Variants in ZNF568 observed in about 807,000 individuals in gnomAD.
The protein encoded by ZNF568 is p53 inhibitor of SCO2 activation.
In ZNF568, 11 loss-of-function variants were observed where a neutral mutation model predicts 18.1. The observed-to-expected ratio is 0.61, with a 90% CI of 0.38 to 1.00. ZNF568 has a LOEUF of 1.00. Ranked by LOEUF, ZNF568 falls within the 50% of genes least tolerant of loss-of-function variation. The pLI is 0.01. For synonymous variants in ZNF568, 213 were observed against 246.6 expected, an observed-to-expected ratio of 0.86 and a Z score of 1.28; for missense variants, 639 against 768.2, an observed-to-expected ratio of 0.83 and a Z score of 1.99.
Position 36,993,625 on chromosome 19 carries a change from G to A in ZNF568, c.229+1779G>A, listed in dbSNP as rs145729388. 2.4e-4 allele frequency among the ~76,000 whole-genome samples: 37 copies of A among 152,082 alleles called. No individual in the cohort carries two copies. In the East Asian group the frequency reaches 6.4e-3, roughly 26 times the overall value. ...TCTATTTCCTCTTGAGTCAATTTTGGTAGTTTTGGGTCTTTTTAGGAATTT... is the reference window on the plus strand; with the variant it reads ...TCTATTTCCTCTTGAGTCAATTTTGATAGTTTTGGGTCTTTTTAGGAATTT... On this transcript the variant is annotated intron_variant, in intron 4 of 4. Transcript: ENST00000433993.
chr19:36,936,975 C>G, intron 5 of ZNF568, 103 bp downstream of exon 5: 3 of 1,474,578 alleles, frequency 2.0e-6, no homozygotes, highest in Non-Finnish European at 2.8e-6. Context: ...TTTCCTTTCT[C>G]CATGTGACTA....
chr19:36,960,741 AAT>A (rs1491380454), intron 6 of ZNF568, among the ~76,000 whole-genome samples: 1 of 151,888 alleles, frequency 6.6e-6, no homozygotes, highest in Non-Finnish European at 1.5e-5. Flanking sequence ...AAAAAAAAAA[AAT>A]TTTTTTTTCT....
chr19:36,950,390 A>G lies in ZNF568; in HGVS notation c.1237A>G (p.Thr413Ala). The G allele has an allele frequency of 6.2e-7, 1 of 1,614,098 alleles. No individual in the cohort carries two copies. The highest frequency in any genetic ancestry group is 8.5e-7 in the Non-Finnish European group (1 of 1,179,996). The change falls in exon 7 of 7, where the codon ACT (threonine) becomes GCT (alanine). Residue 413 changes from threonine to alanine, a missense_variant. Thr to Ala is a moderately conservative substitution (Grantham distance 58). Transcript: ENST00000333987. ...SVFIIHMRSHTGEKPYVCSEC... is the reference protein window; with the variant it reads ...SVFIIHMRSHAGEKPYVCSEC... The stretch of plus-strand genomic sequence containing the variant: ...ATTTATTATACATATGAGAAGTCAC[A>G]CTGGTGAGAAACCCTATGTATGTAG...
chr19:36,964,588 A>G (rs904979626), intron 6 of ZNF568, among the ~76,000 whole-genome samples: 1 of 152,136 alleles, frequency 6.6e-6, no homozygotes, highest in Non-Finnish European at 1.5e-5. Context: ...CAGGGTGGGA[A>G]GATAGCTTGA....
rs981088031 is a variant in ZNF568 at position 36,942,537 on chromosome 19, T to C, written c.358+5295T>C. Reference sequence around the variant, plus strand: ...TGGCGTGAACCCAGGAGGCAGAGCTTGCAGTGAGCCGAGATCACGCCACTG... The same window carrying C: ...TGGCGTGAACCCAGGAGGCAGAGCTCGCAGTGAGCCGAGATCACGCCACTG... On this transcript the variant is annotated intron_variant, in intron 6 of 6. Transcript: ENST00000333987. 2.8e-5 allele frequency among the ~76,000 whole-genome samples: 4 copies of C among 142,488 alleles called. No homozygotes were observed. The Admixed American group carries it at 3.0e-4, about 11-fold the overall frequency. 93.5% of individuals were successfully genotyped at this position (142,488 alleles called of 152,430 possible).
intron 4 of ZNF568, among the ~76,000 whole-genome samples, chr19:36,934,152 C>T (rs2073747022): frequency 6.6e-6 from 1 of 151,234 alleles, no homozygotes; most frequent in South Asian, 2.1e-4. Context: ...TTTGAGTCTT[C>T]TTGTCAGTGA....
chr19:36,969,228 T>C (rs2074218093), intron 6 of ZNF568, among the ~76,000 whole-genome samples: 1 of 151,948 alleles, frequency 6.6e-6, no homozygotes, highest in Admixed American at 6.6e-5. Flanking sequence ...ACAACTGAAG[T>C]AAATGTGCCT....
At chr19:36,920,219 T>A (rs530714309) in intron 2 of ZNF568, among the ~76,000 whole-genome samples, 12 of 133,696 alleles carry the variant, frequency 9.0e-5, no homozygotes, top group East Asian at 2.0e-4. Flanking sequence ...AGTTAAAAAA[T>A]TTTTAAGAAG....
intron 6 of ZNF568, among the ~76,000 whole-genome samples, chr19:36,937,756 T>C (rs930520969): frequency 2.6e-5 from 4 of 152,204 alleles, no homozygotes; most frequent in Non-Finnish European, 5.9e-5. Flanking sequence ...GGCTTAGAAA[T>C]GTAAAAGTTT....
chr19:36,947,833 C>G (rs550686724), intron 6 of ZNF568, among the ~76,000 whole-genome samples: 3 of 152,098 alleles, frequency 2.0e-5, no homozygotes, highest in Non-Finnish European at 1.5e-5. Flanking sequence ...AGGTTCACAA[C>G]AAAACTGAGT....
chr19:36,952,038 CTT>C lies in ZNF568; in HGVS notation c.*966_*967del, dbSNP rs138419937. The C allele has an allele frequency of 0.019, 16,443 of 869,972 alleles. 47 individuals carry two copies. Among genetic ancestry groups the C allele is most frequent in the African/African-American group, 0.062 (2,742 of 44,452 alleles). 53.9% of individuals were successfully genotyped at this position (869,972 alleles called of 1,614,324 possible). A position where few individuals can be genotyped will look rare whatever the true frequency, so the allele number is the denominator to read the frequency against. On this transcript the variant is annotated 3_prime_UTR_variant, in exon 7 of 7. Coordinates refer to ENST00000333987, the MANE Select transcript of ZNF568 (RefSeq NM_198539.4). ...TGTCTATGACGTTGAGGCCAAGGAG[CTT>C]TTTTTTTTTTTTTTTCAAGACAAAA...
intron 2 of ZNF568, chr19:36,991,047 G>A: frequency 1.0e-6 from 1 of 971,442 alleles, no homozygotes; most frequent in Non-Finnish European, 1.5e-6. Flanking sequence ...CCTCCATGTT[G>A]AAGGAGCCAG....
intron 3 of ZNF568, chr19:36,991,446 G>T (rs1404816346): frequency 1.7e-6 from 2 of 1,152,494 alleles, no homozygotes; most frequent in East Asian, 2.7e-5. Context: ...CCAAAAGAAT[G>T]GTTTGTCTCT....
At chr19:36,974,873 C>G (rs2074268150) in intron 7 of ZNF568, among the ~76,000 whole-genome samples, 1 of 145,880 alleles carries the variant, frequency 6.9e-6, no homozygotes, top group African/African-American at 2.6e-5. Context: ...GTTGCCCAGG[C>G]TGGAGTGCAG....
downstream of ZNF568, among the ~76,000 whole-genome samples, chr19:36,984,488 T>G (rs933456534): frequency 6.6e-6 from 1 of 152,158 alleles, no homozygotes; most frequent in Non-Finnish European, 1.5e-5. Flanking sequence ...ATCAAACAAC[T>G]TACATTATTG....
chr19:36,946,401 CTT>C (rs1431198132), intron 6 of ZNF568, among the ~76,000 whole-genome samples: 1 of 151,914 alleles, frequency 6.6e-6, no homozygotes, highest in African/African-American at 2.4e-5. Flanking sequence ...AGAAATGACT[CTT>C]AATTAATATA....
At chr19:36,991,031 C>T in intron 2 of ZNF568, 1 of 809,630 alleles carries the variant, frequency 1.2e-6, no homozygotes, top group South Asian at 1.9e-5. Context: ...TGTTTCCACA[C>T]CGACCCCTCC....
chr19:36,952,886 G>T (rs1452907562), downstream of ZNF568: 1 of 165,412 alleles, frequency 6.0e-6, no homozygotes, highest in African/African-American at 2.4e-5. Context: ...TAGAAAATTA[G>T]TAATTAGAAT....
intron 3 of ZNF568, among the ~76,000 whole-genome samples, chr19:36,924,253 C>G (rs2073507713): frequency 6.6e-6 from 1 of 151,896 alleles, no homozygotes; most frequent in Admixed American, 6.5e-5. Context: ...GAGTCTCGCT[C>G]TGTCGCCCAG....
Sources: gnomAD v4.1 joint callset for allele counts (sites outside exome capture counted in the v4.1 genomes callset) on GRCh38, gnomAD v4.1.1 for gene constraint, MANE v1.5 for transcripts, NCBI Gene and HGNC (gene_info 2026-07-23, HGNC 2026-07-21) for gene names.